Variants in RNGTT observed in about 807,000 individuals in gnomAD.
The protein encoded by RNGTT is mRNA-capping enzyme.
RNGTT carries 33 observed loss-of-function variants against 79.3 expected under a neutral mutation model. The ratio of observed to expected loss-of-function variants is 0.42; its 90% CI spans 0.32 to 0.56. The LOEUF (loss-of-function observed/expected upper bound fraction) is 0.56, where lower values mean the gene tolerates loss of function less well. RNGTT is among the 20% of genes least tolerant of loss of function. The probability of loss-of-function intolerance (pLI) is 0.17; values close to 1 mark genes in which losing one functional copy is unlikely to be tolerated. For missense variants in RNGTT, 497 were observed against 739.1 expected, an observed-to-expected ratio of 0.67 and a Z score of 3.80; for synonymous variants, 222 against 235.9, an observed-to-expected ratio of 0.94 and a Z score of 0.54.
chr6:88,648,569 T>C (rs949147614), intron 14 of RNGTT, among the ~76,000 whole-genome samples: 1 of 152,156 alleles, frequency 6.6e-6, no homozygotes, highest in Non-Finnish European at 1.5e-5. Context: ...TACCCAACTA[T>C]GCCTCTTGTA....
chr6:88,747,506 T>C (rs984483258), intron 13 of RNGTT, among the ~76,000 whole-genome samples: 1 of 152,184 alleles, frequency 6.6e-6, no homozygotes, highest in African/African-American at 2.4e-5. Context: ...GTAAAGATCC[T>C]GAAGGAGATA....
At chr6:88,826,512 G>A (rs747458391) in intron 11 of RNGTT, among the ~76,000 whole-genome samples, 7 of 151,954 alleles carry the variant, frequency 4.6e-5, no homozygotes, top group East Asian at 1.9e-4. Flanking sequence ...GGCCAGGTGC[G>A]GTGGCTTACA....
intron 11 of RNGTT, among the ~76,000 whole-genome samples, chr6:88,835,324 C>G (rs539701262): frequency 6.6e-6 from 1 of 152,124 alleles, no homozygotes; most frequent in Admixed American, 6.5e-5. Context: ...TGTTCTTTCA[C>G]TAGATCCTAA....
At chr6:88,889,984 A>T (rs563118940) in intron 8 of RNGTT, among the ~76,000 whole-genome samples, 27 of 152,306 alleles carry the variant, frequency 1.8e-4, no homozygotes, top group African/African-American at 6.0e-4. Flanking sequence ...GTCTCAAATT[A>T]AAAAAATCTT....
intron 4 of RNGTT, among the ~76,000 whole-genome samples, chr6:88,908,902 T>G (rs1783744591): frequency 6.6e-6 from 1 of 152,184 alleles, no homozygotes; most frequent in Non-Finnish European, 1.5e-5. Flanking sequence ...TCCACTTCCC[T>G]GCCTGAGTGT....
chr6:88,782,633 T>C (rs1779102038), intron 12 of RNGTT, among the ~76,000 whole-genome samples: 1 of 151,952 alleles, frequency 6.6e-6, no homozygotes, highest in Non-Finnish European at 1.5e-5. Context: ...TGAGAAAAAA[T>C]AATCTTCAAA....
intron 9 of RNGTT, among the ~76,000 whole-genome samples, chr6:88,850,924 G>A (rs1781649716): frequency 1.3e-5 from 2 of 151,972 alleles, no homozygotes; most frequent in Non-Finnish European, 2.9e-5. Context: ...TGGCTTTTGT[G>A]CTATGAATAA....
In RNGTT at chr6:88,817,305, A is replaced by G. The variant is rs142061271; in HGVS notation, c.1270-15673T>C. Among the ~76,000 whole-genome samples the G allele has an allele frequency of 4.3e-3, 650 of 152,162 alleles. 4 individuals carry two copies. Among genetic ancestry groups the G allele is most frequent in the African/African-American group, 0.014 (599 of 41,512 alleles). ...ATCAGACAGATGGAATTTAAAAGGT[A>G]CATTTTTTGGATCTTTTACAGCTTA... On this transcript the variant is annotated intron_variant, in intron 11 of 15. Coordinates refer to ENST00000369485, the MANE Select transcript of RNGTT (RefSeq NM_003800.5).
intron 7 of RNGTT, 35 bp downstream of exon 7, chr6:88,891,771 C>T (rs9353633): frequency 0.19 from 260,581 of 1,355,882 alleles, 32,456 homozygotes; most frequent in African/African-American, 0.62. Flanking sequence ...AAAATAAGAG[C>T]AAATTTTATT....
intron 13 of RNGTT, among the ~76,000 whole-genome samples, chr6:88,726,294 G>A (rs549257354): frequency 1.3e-5 from 2 of 151,084 alleles, no homozygotes; most frequent in Admixed American, 6.6e-5. Context: ...AATCTGTACC[G>A]GCAACTGCTC....
chr6:88,961,337 ATGTATGTGTGTGTG>A (rs1286141114), intron 1 of RNGTT, among the ~76,000 whole-genome samples: 1 of 151,498 alleles, frequency 6.6e-6, no homozygotes, highest in African/African-American at 2.4e-5. Context: ...GTGTGTGTGT[ATGTATGTGTGTGTG>A]TGTATATATA....
intron 2 of RNGTT, among the ~76,000 whole-genome samples, chr6:88,935,991 C>T (rs941645517): frequency 8.5e-5 from 13 of 152,172 alleles, no homozygotes; most frequent in Non-Finnish European, 1.8e-4. Flanking sequence ...TCAATCATGG[C>T]TCACCACTGC....
At chr6:88,957,711 C>G (rs1294302993) in intron 1 of RNGTT, among the ~76,000 whole-genome samples, 1 of 152,100 alleles carries the variant, frequency 6.6e-6, no homozygotes, top group Non-Finnish European at 1.5e-5. Context: ...CTACAAAACA[C>G]TACTGAAATA....
intron 14 of RNGTT, among the ~76,000 whole-genome samples, chr6:88,631,186 C>A (rs1338290473): frequency 3.9e-5 from 6 of 152,194 alleles, no homozygotes. Context: ...GAAACTGCTA[C>A]AAACGAAAAG....
At chr6:88,660,205 A>G (rs1403311635) in intron 14 of RNGTT, among the ~76,000 whole-genome samples, 1 of 152,226 alleles carries the variant, frequency 6.6e-6, no homozygotes, top group Non-Finnish European at 1.5e-5. Context: ...TAAAGCATAA[A>G]TCTCACAGGG....
intron 8 of RNGTT, among the ~76,000 whole-genome samples, chr6:88,867,672 G>A (rs1049879343): frequency 6.6e-6 from 1 of 151,856 alleles, no homozygotes; most frequent in Non-Finnish European, 1.5e-5. Flanking sequence ...ATCCTAACTA[G>A]GATTAAAAAG....
At chr6:88,869,673 T>C (rs888690925) in intron 8 of RNGTT, among the ~76,000 whole-genome samples, 1 of 152,152 alleles carries the variant, frequency 6.6e-6, no homozygotes, top group African/African-American at 2.4e-5. Context: ...TACTAGTCTT[T>C]GTTCAAGTTC....
intron 8 of RNGTT, among the ~76,000 whole-genome samples, chr6:88,876,127 C>T (rs369959262): frequency 1.1e-4 from 17 of 152,266 alleles, no homozygotes; most frequent in African/African-American, 4.1e-4. Context: ...AGTCTAAATG[C>T]CCCTATAATC....
intron 2 of RNGTT, among the ~76,000 whole-genome samples, chr6:88,939,672 T>C (rs1784783668): frequency 6.6e-6 from 1 of 152,082 alleles, no homozygotes; most frequent in South Asian, 2.1e-4. Flanking sequence ...TGCTGAAGGA[T>C]TATTGTGTTC....
Sources: allele counts gnomAD v4.1 joint callset (sites outside exome capture counted in the v4.1 genomes callset), GRCh38; gene constraint gnomAD v4.1.1; transcripts MANE v1.5; gene names NCBI Gene and HGNC (gene_info 2026-07-23, HGNC 2026-07-21).